Variants in TAPT1 observed in about 807,000 individuals in gnomAD.
The protein encoded by TAPT1 is transmembrane anterior posterior transformation 1, also known as transmembrane anterior posterior transformation protein 1 homolog.
In TAPT1, 28 loss-of-function variants were observed where a neutral mutation model predicts 65.6. The ratio of observed to expected loss-of-function variants is 0.43; its 90% confidence interval spans 0.32 to 0.59. The LOEUF (loss-of-function observed/expected upper bound fraction) is 0.59. Among genes scored for constraint, TAPT1 ranks in the 20% least tolerant of loss-of-function variants. The pLI is 0.09. For synonymous variants in TAPT1, 278 were observed against 245.2 expected (o/e 1.13, Z -1.25); for missense variants, 563 against 679.9 (o/e 0.83, Z 1.91).
chr4:16,192,933 T>C (rs1273137868), intron 3 of TAPT1, among the ~76,000 whole-genome samples: 1 of 152,252 alleles, frequency 6.6e-6, no homozygotes, highest in Non-Finnish European at 1.5e-5. Context: ...TCTTTCCTAA[T>C]GCTTTTCCTC....
At chr4:16,176,522 C>G (rs1748336079) in intron 8 of TAPT1, 2 of 183,310 alleles carry the variant, frequency 1.1e-5, no homozygotes, top group South Asian at 1.6e-4. Flanking sequence ...ATGGTGAAAC[C>G]CTGTCTCTAC....
intron 7 of TAPT1, among the ~76,000 whole-genome samples, chr4:16,180,895 T>A (rs529767405): frequency 6.6e-6 from 1 of 152,258 alleles, no homozygotes; most frequent in South Asian, 2.1e-4. Flanking sequence ...TGAAGCACTA[T>A]TTATTATGAG....
At chr4:16,213,540 T>C (rs955998710) in intron 2 of TAPT1, among the ~76,000 whole-genome samples, 3 of 152,218 alleles carry the variant, frequency 2.0e-5, no homozygotes, top group African/African-American at 4.8e-5. Context: ...ATGATAATGA[T>C]AGGCAGAAAA....
At chr4:16,226,530 G>A (rs1278803962), upstream of TAPT1, 3 of 911,720 alleles carry the variant, frequency 3.3e-6, no homozygotes, top group South Asian at 9.9e-5. Context: ...TCCCCGCCTC[G>A]CCCCGCCCCT....
At chr4:16,183,734 T>C (rs527891609) in intron 7 of TAPT1, among the ~76,000 whole-genome samples, 9 of 152,340 alleles carry the variant, frequency 5.9e-5, no homozygotes, top group African/African-American at 1.9e-4. Flanking sequence ...TGAATCAATT[T>C]ACTCTATGGT....
intron 12 of TAPT1, among the ~76,000 whole-genome samples, chr4:16,168,262 G>A (rs1747768385): frequency 6.6e-6 from 1 of 151,946 alleles, no homozygotes. Context: ...ACAGGCGTAT[G>A]CCACCACGCC....
Position 16,219,081 on chromosome 4 carries a change from C to T in TAPT1, c.200-5183G>A, listed in dbSNP as rs543966176. The stretch of plus-strand genomic sequence containing the variant: ...ACCTATTTTGAGTGTACAGCTCTCA[C>T]AACTATGAAACAGGTTCTACTGTTA... On this transcript the variant is annotated intron_variant, in intron 1 of 13. Transcript: ENST00000405303. 7.2e-5 allele frequency among the ~76,000 whole-genome samples: 11 copies of T among 152,248 alleles called. No homozygotes were observed. In the East Asian group the frequency reaches 1.9e-3, roughly 27 times the overall value.
At chr4:16,208,404 T>A (rs1403165378) in intron 2 of TAPT1, among the ~76,000 whole-genome samples, 1 of 152,236 alleles carries the variant, frequency 6.6e-6, no homozygotes, top group East Asian at 1.9e-4. Context: ...CAGCTGGGAA[T>A]GGCTATGTAG....
rs373365101 is a variant in TAPT1 at position 16,191,430 on chromosome 4, G to A, written c.543C>T (p.Tyr181=). ...ICYFMMHYVD[Y]SMMYHLIRGQ... is the part of the protein sequence containing the mutation. Reference sequence around the variant, plus strand: ...CCCTTATCAGGTGGTACATCATGGAGTAGTCAACATAGTGCATCATAAAAT... The same window carrying A: ...CCCTTATCAGGTGGTACATCATGGAATAGTCAACATAGTGCATCATAAAAT... Residue 181 remains tyrosine, a synonymous_variant, in exon 4 of 14, where the codon TAC becomes TAT. Transcript: ENST00000405303. 1 of 1,591,574 alleles carries A rather than the reference G, an allele frequency of 6.3e-7. No homozygotes were observed. The highest frequency in any genetic ancestry group is 8.6e-7 in the Non-Finnish European group (1 of 1,168,600).
intron 5 of TAPT1, among the ~76,000 whole-genome samples, chr4:16,187,705 T>C (rs1037754844): frequency 6.6e-6 from 1 of 152,106 alleles, no homozygotes; most frequent in Non-Finnish European, 1.5e-5. Context: ...CACAAACATG[T>C]ACACTGCTTA....
At chr4:16,164,873 A>T (rs1315448077) in intron 13 of TAPT1, among the ~76,000 whole-genome samples, 3 of 152,180 alleles carry the variant, frequency 2.0e-5, no homozygotes, top group African/African-American at 7.2e-5. Context: ...GATTATACAC[A>T]TTGTTATTTT....
Position 16,174,186 on chromosome 4 carries a change from T to G in TAPT1, c.1236+18A>C. On this transcript the variant is annotated intron_variant, in intron 11 of 13. Transcript: ENST00000405303. ...ATGGCTACTTTGTTACAAAAAACATTAAAAAGTATGCACTTACTAAAACAG... is the reference window on the plus strand; with the variant it reads ...ATGGCTACTTTGTTACAAAAAACATGAAAAAGTATGCACTTACTAAAACAG... The G allele has an allele frequency of 6.4e-7, 1 of 1,570,952 alleles. No individual in the cohort carries two copies.
In TAPT1 at chr4:16,174,692, A is replaced by C. The variant is rs1367422449; in HGVS notation, c.1145T>G (p.Leu382Arg). The change falls in exon 10 of 14, where the codon CTT (leucine) becomes CGT (arginine). Residue 382 changes from leucine to arginine, a missense_variant. By Grantham distance (102) the Leu-to-Arg change is moderately radical. This residue lies in a region of TAPT1 where 104 missense variants were observed against 102.5 expected (regional missense o/e 1.01). Transcript: ENST00000405303. ...SEYRASLAFDLVSSRQKNAYT... is the reference protein window; with the variant it reads ...SEYRASLAFDRVSSRQKNAYT... ...CACATTTTTCTGTCGGCTGCTAACA[A>C]GGTCAAAAGCAAGACTGGCTCTATA... 1 of 1,594,804 alleles carries C rather than the reference A, an allele frequency of 6.3e-7. No homozygotes were observed. The highest frequency in any genetic ancestry group is 1.3e-5 in the African/African-American group (1 of 74,588).
chr4:16,168,668 C>T (rs1171622084), intron 12 of TAPT1, among the ~76,000 whole-genome samples: 1 of 152,264 alleles, frequency 6.6e-6, no homozygotes, highest in Non-Finnish European at 1.5e-5. Context: ...TACTACTGTG[C>T]TTTTCTTCCT....
At chr4:16,172,357 A>C (rs995733428) in intron 11 of TAPT1, among the ~76,000 whole-genome samples, 43 of 140,794 alleles carry the variant, frequency 3.1e-4, no homozygotes, top group Admixed American at 1.6e-3. Flanking sequence ...CAATCCTTAC[A>C]AAAAAAAAAA....
intron 8 of TAPT1, among the ~76,000 whole-genome samples, chr4:16,177,673 TA>T (rs1284229783): frequency 6.6e-6 from 1 of 152,236 alleles, no homozygotes; most frequent in Non-Finnish European, 1.5e-5. Flanking sequence ...TTAAGGATAG[TA>T]AGTGTCTACA....
At chr4:16,226,127 C>T in intron 1 of TAPT1, 132 bp downstream of exon 1, 1 of 1,031,294 alleles carries the variant, frequency 9.7e-7, no homozygotes, top group Non-Finnish European at 1.2e-6. Context: ...TCCGCGCGCC[C>T]ACAGCCTGGG....
chr4:16,195,831 A>C (rs1749677646), intron 3 of TAPT1, among the ~76,000 whole-genome samples: 3 of 152,220 alleles, frequency 2.0e-5, no homozygotes, highest in Admixed American at 6.5e-5. Context: ...ACTATGATTA[A>C]AGTAACATCT....
intron 1 of TAPT1, among the ~76,000 whole-genome samples, chr4:16,220,097 T>C (rs1751162154): frequency 1.3e-5 from 2 of 152,216 alleles, no homozygotes; most frequent in Non-Finnish European, 2.9e-5. Context: ...TATACCTGCG[T>C]TTCAGTGTTT....
Sources: gnomAD v4.1 joint callset for allele counts (sites outside exome capture counted in the v4.1 genomes callset) on GRCh38, gnomAD v4.1.1 for gene constraint, gnomAD v4.1.1 regional missense constraint, MANE v1.5 for transcripts, NCBI Gene and HGNC (gene_info 2026-07-23, HGNC 2026-07-21) for gene names.